The following ACO2 variants were observed in gnomAD, a reference collection of about 807,000 sequenced individuals.
ACO2 encodes the protein aconitate hydratase, mitochondrial.
A neutral mutation model predicts 84.5 loss-of-function variants in ACO2; 31 were observed. That is an observed-to-expected ratio of 0.37 (90% confidence interval 0.28 to 0.50). ACO2 has a LOEUF of 0.50. ACO2 is among the 20% of genes least tolerant of loss of function. The pLI, the probability that ACO2 is intolerant of heterozygous loss-of-function variation, is 0.97. For synonymous variants in ACO2, 414 were observed against 412.7 expected (o/e 1.00, Z -0.04); for missense variants, 685 against 1,029.3 (o/e 0.67, Z 4.58).
chr22:41,507,979 C>T lies in ACO2; in HGVS notation c.362C>T (p.Pro121Leu). The T allele has an allele frequency of 1.2e-6, 2 of 1,614,228 alleles. No individual in the cohort carries two copies. Among genetic ancestry groups the T allele is most frequent in the Non-Finnish European group, 8.5e-7 (1 of 1,180,036 alleles). Residue 121 changes from proline (P) to leucine (L), a missense_variant, in exon 3 of 18, where the codon CCA becomes CTA. By Grantham distance (98) the Pro-to-Leu change is moderately conservative. Transcript: ENST00000216254. ...AGCGGGCTGTCCAAGGTGGCTGTGC[C>T]ATCCACCATCCACTGTGACCATCTG... ...ISSGLSKVAV[P>L]STIHCDHLIE...
At chr22:41,479,573 T>G (rs767845083) in intron 1 of ACO2, among the ~76,000 whole-genome samples, 1 of 152,164 alleles carries the variant, frequency 6.6e-6, no homozygotes, top group South Asian at 2.1e-4. Context: ...GGGCTGGATA[T>G]AGGGGATACA....
At chr22:41,478,677 C>G (rs2038048872) in intron 1 of ACO2, among the ~76,000 whole-genome samples, 1 of 151,556 alleles carries the variant, frequency 6.6e-6, no homozygotes, top group African/African-American at 2.4e-5. Flanking sequence ...TGATTGGGAG[C>G]TTTAATTCTG....
At chr22:41,471,891 G>A (rs531930512) in intron 1 of ACO2, among the ~76,000 whole-genome samples, 5 of 152,244 alleles carry the variant, frequency 3.3e-5, no homozygotes, top group South Asian at 2.1e-4. Context: ...TTTGAATACC[G>A]TAATGACTCT....
intron 2 of ACO2, among the ~76,000 whole-genome samples, chr22:41,500,388 A>T (rs1321526778): frequency 1.4e-5 from 2 of 147,750 alleles, no homozygotes; most frequent in African/African-American, 2.5e-5. Flanking sequence ...AATATATATA[A>T]ATATATATAT....
At chr22:41,524,011 C>G in intron 12 of ACO2, 70 bp downstream of exon 12, 1 of 1,382,836 alleles carries the variant, frequency 7.2e-7, no homozygotes, top group Non-Finnish European at 1.0e-6. Context: ...GAGGAGGAGG[C>G]AGAAGGAGAT....
intron 6 of ACO2, 90 bp downstream of exon 6, chr22:41,516,007 C>A: frequency 6.7e-7 from 1 of 1,494,444 alleles, no homozygotes; most frequent in Non-Finnish European, 9.1e-7. Flanking sequence ...ATGGCCTTCA[C>A]TTGAGAATCT....
chr22:41,525,835 A>G (rs984804231), intron 14 of ACO2: 4 of 184,790 alleles, frequency 2.2e-5, no homozygotes, highest in East Asian at 2.6e-4. Context: ...TCTGTGTCAG[A>G]TATTTATTTA....
rs938861670 is a variant in ACO2, at chr22:41,509,188, A to G, written c.432+1139A>G. 8.5e-5 allele frequency among the ~76,000 whole-genome samples: 13 copies of G among 152,286 alleles called. 1 individual carries two copies. The highest frequency in any genetic ancestry group is 1.3e-4 in the Admixed American group (2 of 15,308). Reference sequence around the variant, plus strand: ...TCTGCAGCCCTGGGGACAGCTGCCCACAACAGGGCTGCTACCTTCTGGGGC... The same window carrying G: ...TCTGCAGCCCTGGGGACAGCTGCCCGCAACAGGGCTGCTACCTTCTGGGGC... On this transcript the variant is annotated intron_variant, in intron 3 of 17. Transcript: ENST00000216254.
rs780553868 is a variant in ACO2, at chr22:41,515,746, G to C, written c.685-21G>C. ...CAGGCACACACGGCCTCTCACAGCCGCCTCGCCCCCTCCTGTCCAGGTGAT... is the reference window on the plus strand; with the variant it reads ...CAGGCACACACGGCCTCTCACAGCCCCCTCGCCCCCTCCTGTCCAGGTGAT... On this transcript the variant is annotated intron_variant, in intron 5 of 17. Transcript: ENST00000216254. The surrounding 1 kb of genome is among the most constrained non-coding windows in gnomAD (Gnocchi z 5.8). The C allele has an allele frequency of 1.2e-6, 2 of 1,612,392 alleles. No individual in the cohort carries two copies. Among genetic ancestry groups the C allele is most frequent in the East Asian group, 4.5e-5 (2 of 44,896 alleles).
intron 1 of ACO2, among the ~76,000 whole-genome samples, chr22:41,498,033 A>G (rs1004103310): frequency 6.6e-6 from 1 of 152,182 alleles, no homozygotes; most frequent in African/African-American, 2.4e-5. Flanking sequence ...AGTCCCAGCT[A>G]CGCGGGAGGC....
At chr22:41,474,592 C>CTT (rs34289556) in intron 1 of ACO2, among the ~76,000 whole-genome samples, 52 of 29,676 alleles carry the variant, frequency 1.8e-3, no homozygotes, top group African/African-American at 2.0e-3. Flanking sequence ...TGCGCCTAGC[C>CTT]TTTTTTTTTT....
intron 11 of ACO2, 137 bp from the exon 12 acceptor site, chr22:41,523,693 A>C: frequency 1.3e-6 from 1 of 765,950 alleles, no homozygotes; most frequent in Non-Finnish European, 2.2e-6. Flanking sequence ...GGAGGAGGCA[A>C]CCCTGGCAGG....
chr22:41,502,163 A>G (rs1029587242), intron 2 of ACO2, among the ~76,000 whole-genome samples: 1 of 152,180 alleles, frequency 6.6e-6, no homozygotes, highest in Non-Finnish European at 1.5e-5. Flanking sequence ...GCTCCATGTT[A>G]GAATCACCTG....
At chr22:41,499,182 A>G (rs2066336477) in intron 1 of ACO2, among the ~76,000 whole-genome samples, 1 of 152,042 alleles carries the variant, frequency 6.6e-6, no homozygotes, top group East Asian at 1.9e-4. Flanking sequence ...TTCCTCATTC[A>G]TTCTTCCCTC....
intron 14 of ACO2, 124 bp from the exon 15 acceptor site, chr22:41,526,138 C>G: frequency 2.5e-6 from 2 of 788,734 alleles, no homozygotes; most frequent in Non-Finnish European, 4.1e-6. Flanking sequence ...TGAAGACTTG[C>G]CTGCCTCTCA....
At chr22:41,526,893 C>T (rs917679681) in intron 15 of ACO2, 1 of 329,298 alleles carries the variant, frequency 3.0e-6, no homozygotes. Flanking sequence ...AGGACTCTGG[C>T]ACCCCCTGGT....
intron 9 of ACO2, chr22:41,521,445 C>G (rs1037540277): frequency 1.3e-5 from 2 of 152,264 alleles, no homozygotes; most frequent in African/African-American, 4.8e-5. Context: ...CCTGAGCAAA[C>G]TACTTCACTG....
At chr22:41,528,136 GCC>G in intron 17 of ACO2, 114 bp downstream of exon 17, 1 of 1,487,784 alleles carries the variant, frequency 6.7e-7, no homozygotes, top group Non-Finnish European at 9.1e-7. Flanking sequence ...AGCTGGAAAG[GCC>G]CCCAGTTCTC....
chr22:41,506,677 C>G (rs998078086), intron 2 of ACO2, among the ~76,000 whole-genome samples: 1 of 152,182 alleles, frequency 6.6e-6, no homozygotes, highest in African/African-American at 2.4e-5. Flanking sequence ...GCCACCACAC[C>G]AGGCCCCCAG....
Sources: allele counts gnomAD v4.1 joint callset (sites outside exome capture counted in the v4.1 genomes callset), GRCh38; gene constraint gnomAD v4.1.1; non-coding constraint Gnocchi (gnomAD v3.1); transcripts MANE v1.5; gene names NCBI Gene and HGNC (gene_info 2026-07-23, HGNC 2026-07-21).